PHKA1: variants seen among roughly 807,000 people sequenced by gnomAD.
The protein encoded by PHKA1 is phosphorylase b kinase regulatory subunit alpha, skeletal muscle isoform.
In PHKA1, 60 loss-of-function variants were observed where a neutral mutation model predicts 110.2. That is an observed-to-expected ratio of 0.54 (90% CI 0.44 to 0.68). PHKA1 has a LOEUF of 0.68. Among genes scored for constraint, PHKA1 ranks in the 30% least tolerant of loss-of-function variants. The pLI, the probability that PHKA1 is intolerant of heterozygous loss-of-function variation, is 0.00. For missense variants in PHKA1, 801 were observed against 942.5 expected, an observed-to-expected ratio of 0.85 and a Z score of 1.97; for synonymous variants, 316 against 333.6, an observed-to-expected ratio of 0.95 and a Z score of 0.58.
chrX:72,647,595 A>G (rs782599946), intron 13 of PHKA1, among the ~76,000 whole-genome samples: 1 of 111,487 alleles, frequency 9.0e-6, no homozygotes, highest in East Asian at 2.8e-4. Context: ...CATAAAAGAC[A>G]TGGGCAAATG....
At chrX:72,675,250 A>T (rs1483073677) in intron 6 of PHKA1, among the ~76,000 whole-genome samples, 4 of 109,338 alleles carry the variant, frequency 3.7e-5, no homozygotes, top group Admixed American at 9.7e-5. Flanking sequence ...TAAATAAAAT[A>T]AAAAAATGGA....
intron 2 of PHKA1, among the ~76,000 whole-genome samples, chrX:72,710,811 ATTCT>A: frequency 1.3e-4 from 1 of 7,751 alleles, no homozygotes; most frequent in Non-Finnish European, 2.8e-4. Context: ...CCTCTGTTAA[ATTCT>A]TTATTTTTTA....
chrX:72,706,255 C>A (rs919360968), intron 2 of PHKA1, among the ~76,000 whole-genome samples: 1 of 111,639 alleles, frequency 9.0e-6, no homozygotes, highest in East Asian at 2.8e-4. Context: ...TCATTTCTGT[C>A]TATAAATGGT....
intron 28 of PHKA1, among the ~76,000 whole-genome samples, chrX:72,601,747 A>T (rs977585214): frequency 1.8e-5 from 2 of 111,478 alleles, no homozygotes; most frequent in African/African-American, 6.5e-5. Flanking sequence ...CCAAAATTAC[A>T]TCAGTCCTAA....
intron 13 of PHKA1, among the ~76,000 whole-genome samples, chrX:72,649,353 T>A (rs1002983535): frequency 6.3e-5 from 7 of 111,796 alleles, no homozygotes; most frequent in African/African-American, 2.3e-4. Flanking sequence ...GAGACTAGAA[T>A]AATGGTGATA....
rs781807835 is a variant in PHKA1 at position 72,579,860 on chromosome X, T to C, written c.*1142A>G. ...ACACTAGAATTAGGAAGTGAAAATATATATGAAAGAGTTTAAGAATAGATG... is the reference window on the plus strand; with the variant it reads ...ACACTAGAATTAGGAAGTGAAAATACATATGAAAGAGTTTAAGAATAGATG... On this transcript the variant is annotated 3_prime_UTR_variant, in exon 32 of 32. Transcript: ENST00000373542. 7 of 111,234 alleles carry C rather than the reference T, an allele frequency of 6.3e-5. No homozygotes were observed. The East Asian group carries it at 2.0e-3, about 31-fold the overall frequency. The allele number at this position is 111,234 out of a possible 1,213,427, so 9.2% of individuals were successfully genotyped here.
intron 31 of PHKA1, 115 bp downstream of exon 31, chrX:72,582,283 A>C (rs2052348647): frequency 1.1e-5 from 6 of 532,180 alleles, no homozygotes; most frequent in Non-Finnish European, 1.9e-5. Context: ...GGGCCCAAAA[A>C]AGAAGTATGA....
intron 2 of PHKA1, among the ~76,000 whole-genome samples, chrX:72,709,112 T>C (rs1189268587): frequency 9.0e-6 from 1 of 110,707 alleles, no homozygotes; most frequent in Non-Finnish European, 1.9e-5. Context: ...AGGTTTAAAA[T>C]TGAAGTGAGG....
At chrX:72,682,934 T>TAAAAA (rs1164416043) in intron 5 of PHKA1, among the ~76,000 whole-genome samples, 50 of 63,818 alleles carry the variant, frequency 7.8e-4, no homozygotes, top group Admixed American at 1.2e-3. Flanking sequence ...AAAAATAAAT[T>TAAAAA]AAAAAAAAAA....
At chrX:72,682,358 C>G (rs1411646409) in intron 5 of PHKA1, among the ~76,000 whole-genome samples, 1 of 109,887 alleles carries the variant, frequency 9.1e-6, no homozygotes, top group Admixed American at 9.4e-5. Context: ...GCCCCCTGCC[C>G]GGCCAGCCGC....
chrX:72,644,887 G>A (rs1426179316), intron 13 of PHKA1, among the ~76,000 whole-genome samples: 2 of 111,674 alleles, frequency 1.8e-5, no homozygotes, highest in African/African-American at 6.5e-5. Flanking sequence ...CCAGGTATGT[G>A]GGGGTAATAA....
At chrX:72,702,930 A>T (rs552905229) in intron 3 of PHKA1, among the ~76,000 whole-genome samples, 2 of 111,478 alleles carry the variant, frequency 1.8e-5, no homozygotes, top group African/African-American at 6.5e-5. Context: ...GAATGCAACC[A>T]TCTGTCTCTT....
chrX:72,590,072 C>A, intron 29 of PHKA1, among the ~76,000 whole-genome samples: 1 of 111,634 alleles, frequency 9.0e-6, no homozygotes, highest in Non-Finnish European at 1.9e-5. Flanking sequence ...TGGAAAAAAA[C>A]TACTTTAAAG....
Position 72,618,798 on chromosome X carries a change from C to A in PHKA1, c.2281G>T (p.Val761Leu). 8.4e-7 allele frequency: 1 copy of A among 1,196,284 alleles called. No homozygotes were observed. The highest frequency in any genetic ancestry group is 2.3e-4 in the Middle Eastern group (1 of 4,314). The stretch of plus-strand genomic sequence containing the variant: ...TGTAAAACCAGTGCTTTAAAGTCCA[C>A]CTCCCCAGACTGGTCTCTAGGAAGA... Reference protein sequence around the residue: ...IHLPRDQSGEVDFKALVLQLK... With the variant: ...IHLPRDQSGELDFKALVLQLK... Residue 761 changes from valine to leucine, a missense_variant, in exon 21 of 32, where the codon GTG becomes TTG. Transcript: ENST00000373542.
intron 8 of PHKA1, among the ~76,000 whole-genome samples, chrX:72,662,820 G>C (rs2053576036): frequency 9.0e-6 from 1 of 111,172 alleles, no homozygotes; most frequent in Non-Finnish European, 1.9e-5. Flanking sequence ...ACTGCACAGA[G>C]ACTATAATAA....
intron 3 of PHKA1, 144 bp from the exon 4 acceptor site, chrX:72,696,020 C>G (rs1556327264): frequency 3.8e-6 from 2 of 520,512 alleles, no homozygotes; most frequent in African/African-American, 4.6e-5. Flanking sequence ...TACTCGTTAC[C>G]TGTTTTTCCC....
chrX:72,653,387 C>T (rs2053452757), intron 11 of PHKA1, 48 bp downstream of exon 11: 1 of 808,030 alleles, frequency 1.2e-6, no homozygotes, highest in East Asian at 3.1e-5. Flanking sequence ...GATCAAGGTA[C>T]TGCTCCTCTT....
intron 28 of PHKA1, 110 bp from the exon 29 acceptor site, chrX:72,593,384 T>A: frequency 1.8e-6 from 1 of 562,494 alleles, no homozygotes; most frequent in South Asian, 2.6e-5. Flanking sequence ...TCGCCCAGGC[T>A]GGAGTGCAGT....
intron 23 of PHKA1, among the ~76,000 whole-genome samples, chrX:72,607,512 G>A (rs2052745983): frequency 8.9e-6 from 1 of 111,850 alleles, no homozygotes; most frequent in African/African-American, 3.2e-5. Flanking sequence ...TTTGCCATTT[G>A]TATGTCTTCT....
Sources: allele counts gnomAD v4.1 joint callset (sites outside exome capture counted in the v4.1 genomes callset), GRCh38; gene constraint gnomAD v4.1.1; transcripts MANE v1.5; gene names NCBI Gene and HGNC (gene_info 2026-07-23, HGNC 2026-07-21).